The following HDLBP variants were observed in gnomAD, a reference collection of about 807,000 sequenced individuals.
HDLBP encodes the protein high density lipoprotein binding protein.
A neutral mutation model predicts 137.3 loss-of-function variants in HDLBP; 30 were observed. The observed-to-expected ratio is 0.22, with a 90% CI of 0.16 to 0.30. The LOEUF (loss-of-function observed/expected upper bound fraction) is 0.30. HDLBP is among the 10% of genes least tolerant of loss of function. HDLBP has a pLI of 1.00. For synonymous variants in HDLBP, 606 were observed against 596.0 expected, an observed-to-expected ratio of 1.02 and a Z score of -0.24; for missense variants, 1,119 against 1,667.3, an observed-to-expected ratio of 0.67 and a Z score of 5.73.
At position 241,272,193 on chromosome 2, in the gene HDLBP, G is replaced by A. The variant is rs1179834894; in HGVS notation, c.-102-3652C>T. 3 of 984,940 alleles carry A rather than the reference G, an allele frequency of 3.0e-6. No homozygotes were observed. The highest frequency in any genetic ancestry group is 1.1e-4 in the East Asian group (1 of 8,804). The allele number at this position is 984,940 out of a possible 1,614,324, so 61.0% of individuals were successfully genotyped here. The stretch of plus-strand genomic sequence containing the variant: ...GACTGACGCGGGCCCCGCGCGGCAG[G>A]TGGAGGTGCTGCGGGGGCCCCGCCG... On this transcript the variant is annotated intron_variant, in intron 1 of 27. Transcript: ENST00000310931. The surrounding 1 kb of genome is among the most constrained non-coding windows in gnomAD (Gnocchi z 5.6).
rs564387278 is a variant in HDLBP, at chr2:241,233,368, TAAC to T, written c.3288+449_3288+451del. Among the ~76,000 whole-genome samples, 78 of 152,192 alleles carry T rather than the reference TAAC, an allele frequency of 5.1e-4. 1 individual carries two copies. In the South Asian group the frequency reaches 0.015, roughly 30 times the overall value. On this transcript the variant is annotated intron_variant, in intron 24 of 27. Transcript: ENST00000310931. The surrounding 1 kb of genome is among the most constrained non-coding windows in gnomAD (Gnocchi z 4.3). ...GGGTGGCACTGCAATTTGGAGGAAG[TAAC>T]AACAAGAGTTTACTAAGGACCATCT...
intron 1 of HDLBP, among the ~76,000 whole-genome samples, chr2:241,273,955 G>C (rs2074294050): frequency 1.3e-5 from 2 of 151,962 alleles, no homozygotes; most frequent in South Asian, 4.1e-4. Flanking sequence ...CTTGCATTAT[G>C]GTGGGCATAA....
chr2:241,315,161 G>T, intron 1 of HDLBP: 1 of 152,278 alleles, frequency 6.6e-6, no homozygotes, highest in Non-Finnish European at 1.5e-5. Flanking sequence ...CCTCCCCCGC[G>T]GGGCGGCGGG....
intron 1 of HDLBP, chr2:241,315,115 C>T (rs1474038304): frequency 6.6e-6 from 1 of 152,056 alleles, no homozygotes; most frequent in Non-Finnish European, 1.5e-5. Context: ...GGGCCCCACA[C>T]CAGAAGGAGA....
chr2:241,277,902 C>T (rs927821428), intron 1 of HDLBP, among the ~76,000 whole-genome samples: 6 of 151,578 alleles, frequency 4.0e-5, no homozygotes, highest in Non-Finnish European at 7.4e-5. Flanking sequence ...TGGAGGTTGC[C>T]GTGGGCCGAG....
chr2:241,248,453 G>T, intron 12 of HDLBP, 105 bp from the exon 13 acceptor site: 1 of 915,940 alleles, frequency 1.1e-6, no homozygotes, highest in Non-Finnish European at 1.8e-6. Flanking sequence ...CCTTCATGGA[G>T]CAGGTGAGGT....
intron 3 of HDLBP, among the ~76,000 whole-genome samples, chr2:241,265,248 G>A (rs2073563840): frequency 6.6e-6 from 1 of 152,160 alleles, no homozygotes; most frequent in Admixed American, 6.5e-5. Flanking sequence ...GAGAAACCCT[G>A]TCTCTACTAA....
At chr2:241,292,127 CT>C (rs1441355833) in intron 1 of HDLBP, among the ~76,000 whole-genome samples, 2 of 152,208 alleles carry the variant, frequency 1.3e-5, no homozygotes, top group Non-Finnish European at 2.9e-5. Flanking sequence ...ATCATGTAAC[CT>C]GGCTGCTCAA....
At chr2:241,250,299 C>T (rs992585794) in intron 11 of HDLBP, 2 of 218,136 alleles carry the variant, frequency 9.2e-6, no homozygotes, top group Admixed American at 5.4e-5. Flanking sequence ...TTGGCCAGGG[C>T]TTCAGAATAG....
chr2:241,273,357 C>T (rs182059314), intron 1 of HDLBP: 4 of 606,322 alleles, frequency 6.6e-6, no homozygotes, highest in Admixed American at 6.3e-5. Flanking sequence ...AATCTCCCCC[C>T]CAAAATGTAA....
At chr2:241,264,916 G>GA (rs1484993878) in intron 3 of HDLBP, among the ~76,000 whole-genome samples, 1 of 152,160 alleles carries the variant, frequency 6.6e-6, no homozygotes, top group Non-Finnish European at 1.5e-5. Context: ...TCCCCTAACG[G>GA]GGTGAGTCCC....
In HDLBP at chr2:241,239,805, C is replaced by T. The variant is rs748384140; in HGVS notation, c.2407G>A (p.Asp803Asn). ...TGCTTGGGGTCCACCAGCATGGAGTCTTCCACCACATTATCCTGCAGTGTT... is the reference window on the plus strand; with the variant it reads ...TGCTTGGGGTCCACCAGCATGGAGTTTTCCACCACATTATCCTGCAGTGTT... ...LIQNLDNVVEDSMLVDPKHHR... is the reference protein window; with the variant it reads ...LIQNLDNVVENSMLVDPKHHR... The change falls in exon 19 of 28, where the codon GAC becomes AAC. Residue 803 changes from aspartate (D) to asparagine (N), a missense_variant. Asp to Asn is a conservative substitution (Grantham distance 23). Transcript: ENST00000310931. This position sits in a 1 kb window ranked among gnomAD's most constrained non-coding sequence, Gnocchi z 4.6. 1 of 1,613,896 alleles carries T rather than the reference C, an allele frequency of 6.2e-7. No individual in the cohort carries two copies. Among genetic ancestry groups the T allele is most frequent in the Non-Finnish European group, 8.5e-7 (1 of 1,179,984 alleles).
Position 241,238,068 on chromosome 2 carries a change from G to A in HDLBP, c.2749+581C>T, listed in dbSNP as rs1020493772. ...GGGCATCTGATAACACAGAGTGGAG[G>A]GCATACCTTTTGTTTCACAAATGCA... On this transcript the variant is annotated intron_variant, in intron 20 of 27. Transcript: ENST00000310931. This position sits in a 1 kb window ranked among gnomAD's most constrained non-coding sequence, Gnocchi z 4.9. 6.6e-6 allele frequency among the ~76,000 whole-genome samples: 1 copy of A among 152,210 alleles called. No individual in the cohort carries two copies. Among genetic ancestry groups the A allele is most frequent in the Non-Finnish European group, 1.5e-5 (1 of 68,040 alleles).
intron 5 of HDLBP, among the ~76,000 whole-genome samples, chr2:241,261,308 G>C (rs1227394650): frequency 9.9e-5 from 15 of 151,808 alleles, no homozygotes; most frequent in Admixed American, 9.2e-4. Flanking sequence ...GACTTGAAAA[G>C]ACCAACTGAA....
intron 1 of HDLBP, among the ~76,000 whole-genome samples, chr2:241,297,114 T>TA (rs2075208075): frequency 9.2e-6 from 1 of 108,418 alleles, no homozygotes; most frequent in Non-Finnish European, 2.1e-5. Context: ...ACTTGGACTT[T>TA]TTTTGTTTTT....
At chr2:241,278,841 C>T (rs2074492385) in intron 1 of HDLBP, among the ~76,000 whole-genome samples, 2 of 152,032 alleles carry the variant, frequency 1.3e-5, no homozygotes, top group African/African-American at 4.8e-5. Context: ...AATTATGTTT[C>T]CAAAACACCA....
Position 241,229,422 on chromosome 2 carries a change from C to G in HDLBP, c.*179G>C, listed in dbSNP as rs879839113. ...TGGAGCAGGTCCTGAGCGGGCACGG[C>G]CAGGCCTGGAGGAGCGGCCGCACAC... On this transcript the variant is annotated 3_prime_UTR_variant, in exon 28 of 28. Transcript: ENST00000310931. 4 of 564,118 alleles carry G rather than the reference C, an allele frequency of 7.1e-6. No homozygotes were observed. Among genetic ancestry groups the G allele is most frequent in the Non-Finnish European group, 1.3e-5 (4 of 312,830 alleles). 34.9% of individuals were successfully genotyped at this position (564,118 alleles called of 1,614,324 possible). A position where few individuals can be genotyped will look rare whatever the true frequency, so the allele number is the denominator to read the frequency against.
chr2:241,254,736 G>A (rs986118218), intron 9 of HDLBP, among the ~76,000 whole-genome samples: 3 of 152,010 alleles, frequency 2.0e-5, no homozygotes, highest in South Asian at 2.1e-4. Flanking sequence ...CACCGCACCC[G>A]GCCCGCCAAA....
rs957806126 is a variant in HDLBP at position 241,271,172 on chromosome 2, C to T, written c.-102-2631G>A. The T allele has an allele frequency of 6.1e-6, 6 of 977,790 alleles. No individual in the cohort carries two copies. In the African/African-American group the frequency reaches 7.0e-5, roughly 11 times the overall value. 60.6% of individuals were successfully genotyped at this position (977,790 alleles called of 1,614,324 possible). ...TCTCCTTCAGTCCCTCCCATATGGC[C>T]CCAGTCCCTTCGTGATTCTGGCTCT... is the stretch of plus-strand genomic sequence containing the variant. On this transcript the variant is annotated intron_variant, in intron 1 of 27. Transcript: ENST00000310931.
Sources: allele counts gnomAD v4.1 joint callset (sites outside exome capture counted in the v4.1 genomes callset), GRCh38; gene constraint gnomAD v4.1.1; non-coding constraint Gnocchi (gnomAD v3.1); transcripts MANE v1.5; gene names NCBI Gene and HGNC (gene_info 2026-07-23, HGNC 2026-07-21).